EIF3H: variants seen among roughly 807,000 people sequenced by gnomAD.
EIF3H encodes the protein eIF-3-gamma.
A neutral mutation model predicts 44.2 loss-of-function variants in EIF3H; 26 were observed. The ratio of observed to expected loss-of-function variants is 0.59; its 90% CI spans 0.43 to 0.82. The LOEUF (loss-of-function observed/expected upper bound fraction) is 0.82. EIF3H is among the 40% of genes least tolerant of loss of function. The pLI, the probability that EIF3H is intolerant of heterozygous loss-of-function variation, is 0.00. For synonymous variants in EIF3H, 166 were observed against 151.9 expected, an observed-to-expected ratio of 1.09 and a Z score of -0.68; for missense variants, 359 against 432.8, an observed-to-expected ratio of 0.83 and a Z score of 1.51.
chr8:116,650,709 G>A (rs921398099), intron 5 of EIF3H, among the ~76,000 whole-genome samples: 1 of 152,172 alleles, frequency 6.6e-6, no homozygotes, highest in East Asian at 1.9e-4. Context: ...TCATCATCCA[G>A]GCTGGTGCAG....
intron 2 of EIF3H, among the ~76,000 whole-genome samples, chr8:116,669,785 G>C (rs899480961): frequency 6.6e-6 from 1 of 152,156 alleles, no homozygotes; most frequent in South Asian, 2.1e-4. Context: ...AGCAGTTATA[G>C]AAAAGGTTAG....
chr8:116,654,747 T>TA (rs766224278), intron 5 of EIF3H, among the ~76,000 whole-genome samples: 1 of 152,134 alleles, frequency 6.6e-6, no homozygotes, highest in Non-Finnish European at 1.5e-5. Flanking sequence ...CCTGCCCCGT[T>TA]AAGACTTTCT....
At chr8:116,681,512 C>T (rs1423855432) in intron 2 of EIF3H, among the ~76,000 whole-genome samples, 2 of 150,840 alleles carry the variant, frequency 1.3e-5, no homozygotes, top group Non-Finnish European at 3.0e-5. Flanking sequence ...ACTAAAAATA[C>T]AAAATTAGCT....
intron 2 of EIF3H, among the ~76,000 whole-genome samples, chr8:116,678,395 A>G (rs1204707241): frequency 6.6e-6 from 1 of 150,450 alleles, no homozygotes; most frequent in Non-Finnish European, 1.5e-5. Flanking sequence ...CCGAGATTGC[A>G]GCCTCTGCCC....
Position 116,755,710 on chromosome 8 carries a change from C to CGCCTTT in EIF3H, c.82_87dup (p.Lys28_Gly29dup), listed in dbSNP as rs775452911. 1.8e-4 allele frequency: 288 copies of CGCCTTT among 1,614,072 alleles called. No individual in the cohort carries two copies. The highest frequency in any genetic ancestry group is 2.3e-4 in the Non-Finnish European group (273 of 1,180,030). Reference sequence around the variant, plus strand: ...TGCTTCACGGCTGAATCTCCCGAGCCGCCTTTGCCTTTGCCTTTCCCTGCT... The same window carrying CGCCTTT: ...TGCTTCACGGCTGAATCTCCCGAGCCGCCTTTGCCTTTGCCTTTGCCTTTCCCTGCT... On this transcript the variant is annotated inframe_insertion, in exon 1 of 8. Transcript: ENST00000521861.
chr8:116,649,698 T>C (rs1054691838), intron 5 of EIF3H, among the ~76,000 whole-genome samples: 5 of 152,338 alleles, frequency 3.3e-5, no homozygotes, highest in Non-Finnish European at 5.9e-5. Context: ...ACTCCTATTA[T>C]GTGCCAGCCT....
chr8:116,657,204 CA>C lies in EIF3H; in HGVS notation c.557+10del. On this transcript the variant is annotated intron_variant, in intron 4 of 7. Coordinates refer to ENST00000521861, the MANE Select transcript of EIF3H (RefSeq NM_003756.3). ...TACCCAACCCTTTACCAGATGCCCC[CA>C]AACACTTACGCTTCAGGGGAAAAAT... is the stretch of plus-strand genomic sequence containing the variant. The C allele has an allele frequency of 7.5e-6, 12 of 1,604,866 alleles. No individual in the cohort carries two copies. The highest frequency in any genetic ancestry group is 1.0e-5 in the Non-Finnish European group (12 of 1,171,768).
At chr8:116,676,012 TA>T (rs1425831528) in intron 2 of EIF3H, among the ~76,000 whole-genome samples, 1 of 151,988 alleles carries the variant, frequency 6.6e-6, no homozygotes, top group African/African-American at 2.4e-5. Context: ...AAGGCCAAGT[TA>T]AAAAAAATTA....
chr8:116,763,167 G>C (rs1362486779), intron 1 of EIF3H, among the ~76,000 whole-genome samples: 1 of 152,176 alleles, frequency 6.6e-6, no homozygotes, highest in Non-Finnish European at 1.5e-5. Flanking sequence ...ATTGACTTTG[G>C]GTAGATGTGT....
intron 2 of EIF3H, among the ~76,000 whole-genome samples, chr8:116,702,237 T>C (rs1814390715): frequency 6.6e-6 from 1 of 152,160 alleles, no homozygotes; most frequent in Admixed American, 6.5e-5. Context: ...TTGGTTTGTG[T>C]AGTTAACAAA....
In EIF3H at chr8:116,712,958, TGAAAAAAAGAAATAGCAAGG is replaced by T. The variant is rs1814599161; in HGVS notation, c.289+13038_289+13057del. On this transcript the variant is annotated intron_variant, in intron 2 of 7. Coordinates refer to ENST00000521861, the MANE Select transcript of EIF3H (RefSeq NM_003756.3). ...GCAAGATAGGAAGCAAGTCTGAACTTGAAAAAAAGAAATAGCAAGGATCTTTGGTTACATACTGTAATTGT... is the reference window on the plus strand; with the variant it reads ...GCAAGATAGGAAGCAAGTCTGAACTTATCTTTGGTTACATACTGTAATTGT... Among the ~76,000 whole-genome samples, 4 of 152,214 alleles carry T rather than the reference TGAAAAAAAGAAATAGCAAGG, an allele frequency of 2.6e-5. No individual in the cohort carries two copies. The Middle Eastern group carries it at 0.014, about 518-fold the overall frequency.
intron 2 of EIF3H, among the ~76,000 whole-genome samples, chr8:116,720,252 T>A (rs1242357360): frequency 1.3e-5 from 2 of 152,222 alleles, no homozygotes; most frequent in African/African-American, 2.4e-5. Context: ...AAAATTTTTT[T>A]AAATTGAAAT....
At chr8:116,699,766 G>GAGGGTCTT (rs1814337520) in intron 2 of EIF3H, among the ~76,000 whole-genome samples, 2 of 151,866 alleles carry the variant, frequency 1.3e-5, no homozygotes, top group African/African-American at 2.4e-5. Context: ...TTCTAAAGGT[G>GAGGGTCTT]AGGGTCTTAA....
chr8:116,680,104 C>T (rs1430044777), intron 2 of EIF3H, among the ~76,000 whole-genome samples: 3 of 53,344 alleles, frequency 5.6e-5, no homozygotes, highest in Admixed American at 3.9e-4. Flanking sequence ...CCTGGCCAGC[C>T]GCCCCGTCTG....
chr8:116,717,398 A>G (rs991107921), intron 2 of EIF3H, among the ~76,000 whole-genome samples: 1 of 152,174 alleles, frequency 6.6e-6, no homozygotes, highest in Non-Finnish European at 1.5e-5. Flanking sequence ...AGAAAAAACA[A>G]TCCTAAAATT....
rs1410215113 is a variant in EIF3H at position 116,755,783 on chromosome 8, C to A, written c.15G>T (p.Lys5Asn). MASR[K>N]EGTGSTATSS... ...AGGTGGCAGTAGAGCCGGTACCTTC[C>A]TTGCGGGACGCCATCTTTCCAAGCA... The change falls in exon 1 of 8, where the codon AAG becomes AAT. Residue 5 changes from lysine to asparagine, a missense_variant. By Grantham distance (94) the Lys-to-Asn change is moderately conservative (BLOSUM62 0). Coordinates refer to ENST00000521861, the MANE Select transcript of EIF3H (RefSeq NM_003756.3). The A allele has an allele frequency of 6.2e-7, 1 of 1,613,852 alleles. No individual in the cohort carries two copies. Among genetic ancestry groups the A allele is most frequent in the Admixed American group, 1.7e-5 (1 of 60,010 alleles).
At chr8:116,670,399 T>C (rs935351427) in intron 2 of EIF3H, among the ~76,000 whole-genome samples, 18 of 152,070 alleles carry the variant, frequency 1.2e-4, no homozygotes, top group African/African-American at 4.3e-4. Flanking sequence ...TCAGGACAAG[T>C]ACAAATGACA....
chr8:116,696,188 G>A (rs143989148), intron 2 of EIF3H, among the ~76,000 whole-genome samples: 2 of 152,214 alleles, frequency 1.3e-5, no homozygotes, highest in Non-Finnish European at 2.9e-5. Flanking sequence ...GGACAGGGAA[G>A]GTACAAAATG....
At chr8:116,682,608 C>A (rs530676946) in intron 2 of EIF3H, among the ~76,000 whole-genome samples, 2 of 152,194 alleles carry the variant, frequency 1.3e-5, no homozygotes, top group African/African-American at 4.8e-5. Context: ...GGTTAAATTA[C>A]TCACAATAGG....
Sources: allele counts gnomAD v4.1 joint callset (sites outside exome capture counted in the v4.1 genomes callset), GRCh38; gene constraint gnomAD v4.1.1; transcripts MANE v1.5; gene names NCBI Gene and HGNC (gene_info 2026-07-23, HGNC 2026-07-21).